Variants in ETV1 observed in about 807,000 individuals in gnomAD.
ETV1 encodes the protein ETS translocation variant 1.
Under a neutral mutation model 62.3 loss-of-function variants are expected in ETV1, and 27 were observed. The observed-to-expected ratio is 0.43, with a 90% CI of 0.32 to 0.60. The LOEUF is 0.60. Ranked by LOEUF, ETV1 falls within the 20% of genes least tolerant of loss-of-function variation. The probability of loss-of-function intolerance (pLI) is 0.06; values close to 1 mark genes in which losing one functional copy is unlikely to be tolerated. For missense variants in ETV1, 605 were observed against 605.8 expected (o/e 1.00, Z 0.01); for synonymous variants, 222 against 199.6 (o/e 1.11, Z -0.94).
At chr7:13,977,598 T>G in intron 5 of ETV1, 118 bp from the exon 6 acceptor site, 1 of 682,018 alleles carries the variant, frequency 1.5e-6, no homozygotes. Context: ...CCTATGATTA[T>G]TTGCCAATGA....
intron 6 of ETV1, among the ~76,000 whole-genome samples, chr7:13,952,148 G>T (rs1000486864): frequency 6.6e-6 from 1 of 152,186 alleles, no homozygotes; most frequent in African/African-American, 2.4e-5. Flanking sequence ...AAGAACACTG[G>T]ATTAGGAGTC....
chr7:13,964,201 A>T (rs1206962506), intron 6 of ETV1, among the ~76,000 whole-genome samples: 4 of 152,184 alleles, frequency 2.6e-5, no homozygotes, highest in African/African-American at 7.2e-5. Context: ...AAACAGCAGT[A>T]AAAGTTCACT....
chr7:13,986,064 A>AT (rs1244178478), intron 5 of ETV1: 8 of 1,344,120 alleles, frequency 6.0e-6, no homozygotes, highest in Non-Finnish European at 7.3e-6. Context: ...TAAAATCCTC[A>AT]TATCTCCCAT....
intron 6 of ETV1, among the ~76,000 whole-genome samples, chr7:13,956,093 A>T (rs940815188): frequency 6.6e-6 from 1 of 152,200 alleles, no homozygotes; most frequent in Non-Finnish European, 1.5e-5. Context: ...TTACAATTAC[A>T]TTTGACTTAG....
In ETV1 at chr7:13,970,263, AACACACACACACAC is replaced by A. The variant is rs71033966; in HGVS notation, c.235+7150_235+7163del. On this transcript the variant is annotated intron_variant, in intron 6 of 13. Coordinates refer to ENST00000430479, the MANE Select transcript of ETV1 (RefSeq NM_004956.5). ...GCGACAGAGCGAGACCCCATCTCAA[AACACACACACACAC>A]ACACACACACACACACACACACACA... Among the ~76,000 whole-genome samples, 1,133 of 126,600 alleles carry A rather than the reference AACACACACACACAC, an allele frequency of 8.9e-3. 18 individuals are homozygous for A. The highest frequency in any genetic ancestry group is 0.015 in the Middle Eastern group (4 of 260). The allele number at this position is 126,600 out of a possible 152,430, so 83.1% of individuals were successfully genotyped here.
chr7:13,968,599 A>G (rs1389740487), intron 6 of ETV1, among the ~76,000 whole-genome samples: 3 of 151,630 alleles, frequency 2.0e-5, no homozygotes, highest in Non-Finnish European at 4.4e-5. Context: ...AAGAAAGTAC[A>G]CCTACTTCCT....
At chr7:13,940,871 C>T (rs1787423079) in intron 6 of ETV1, among the ~76,000 whole-genome samples, 1 of 152,014 alleles carries the variant, frequency 6.6e-6, no homozygotes, top group Admixed American at 6.6e-5. Flanking sequence ...TACAAGTGTT[C>T]AACAGCAATC....
chr7:13,970,375 G>A (rs1208464251), intron 6 of ETV1, among the ~76,000 whole-genome samples: 2 of 151,476 alleles, frequency 1.3e-5, no homozygotes, highest in African/African-American at 4.9e-5. Flanking sequence ...GAACCATCAA[G>A]AGGTAGCTAT....
intron 6 of ETV1, among the ~76,000 whole-genome samples, chr7:13,971,870 G>A (rs10224578): frequency 0.029 from 4,383 of 152,242 alleles, 215 homozygotes; most frequent in African/African-American, 0.1. Flanking sequence ...CAGCACTTTG[G>A]GAAGCTAAGG....
At chr7:13,968,402 G>C (rs1335403847) in intron 6 of ETV1, among the ~76,000 whole-genome samples, 1 of 151,658 alleles carries the variant, frequency 6.6e-6, no homozygotes, top group African/African-American at 2.4e-5. Context: ...CCTGCCCTAT[G>C]TACCTTAACA....
intron 11 of ETV1, 74 bp from the exon 12 acceptor site, chr7:13,906,673 A>G: frequency 8.8e-7 from 1 of 1,137,974 alleles, no homozygotes; most frequent in Non-Finnish European, 1.2e-6. Flanking sequence ...CATTAAATCA[A>G]TCACTAATAT....
chr7:13,924,050 A>T (rs553853270), intron 9 of ETV1, among the ~76,000 whole-genome samples: 21 of 152,234 alleles, frequency 1.4e-4, no homozygotes, highest in Middle Eastern at 3.4e-3. Context: ...AAAAAATTAA[A>T]AAAATAAAAT....
intron 3 of ETV1, 168 bp from the exon 4 acceptor site, chr7:13,988,341 A>G: frequency 1.7e-6 from 1 of 589,438 alleles, no homozygotes; most frequent in Non-Finnish European, 3.0e-6. Flanking sequence ...TCATTTTCTC[A>G]CTTATTTGAC....
intron 9 of ETV1, among the ~76,000 whole-genome samples, chr7:13,921,200 G>C (rs1190444789): frequency 6.6e-6 from 1 of 152,158 alleles, no homozygotes; most frequent in African/African-American, 2.4e-5. Context: ...CCATAAGCAA[G>C]TGATGTTTTG....
At chr7:13,909,195 C>T (rs567754973) in intron 11 of ETV1, among the ~76,000 whole-genome samples, 72 of 150,702 alleles carry the variant, frequency 4.8e-4, no homozygotes, top group African/African-American at 1.7e-3. Flanking sequence ...TATGTTGTTC[C>T]TGTGTTCCAT....
At chr7:13,984,210 T>G (rs1782297183) in intron 5 of ETV1, among the ~76,000 whole-genome samples, 1 of 152,000 alleles carries the variant, frequency 6.6e-6, no homozygotes, top group Non-Finnish European at 1.5e-5. Context: ...GCCAATGATC[T>G]TTTTTAAAAG....
intron 6 of ETV1, among the ~76,000 whole-genome samples, chr7:13,965,158 C>G (rs775039068): frequency 1.3e-5 from 2 of 152,128 alleles, no homozygotes; most frequent in Non-Finnish European, 2.9e-5. Flanking sequence ...GCATAAACAA[C>G]GCATAAATAC....
At chr7:13,976,878 T>C (rs562325052) in intron 6 of ETV1, among the ~76,000 whole-genome samples, 2 of 152,256 alleles carry the variant, frequency 1.3e-5, no homozygotes, top group East Asian at 3.9e-4. Flanking sequence ...CAATGGCTGC[T>C]TCCATTTGTG....
At chr7:13,962,628 T>G (rs1790324269) in intron 6 of ETV1, among the ~76,000 whole-genome samples, 1 of 152,128 alleles carries the variant, frequency 6.6e-6, no homozygotes, top group South Asian at 2.1e-4. Context: ...ATTATTTTGT[T>G]AAGCAAACAT....
Sources: gnomAD v4.1 joint callset for allele counts (sites outside exome capture counted in the v4.1 genomes callset) on GRCh38, gnomAD v4.1.1 for gene constraint, MANE v1.5 for transcripts, NCBI Gene and HGNC (gene_info 2026-07-23, HGNC 2026-07-21) for gene names.